Variants in MYOM2 observed in about 807,000 individuals in gnomAD.
MYOM2 encodes myomesin 2.
In MYOM2, 254 loss-of-function variants were observed where a neutral mutation model predicts 187.6. The observed-to-expected ratio is 1.35, with a 90% CI of 1.22 to 1.50. MYOM2 has a LOEUF of 1.50. MYOM2 is among the 40% of genes most tolerant of loss of function. MYOM2 has a pLI of 0.00. For missense variants in MYOM2, 2,796 were observed against 1,924.0 expected, an observed-to-expected ratio of 1.45 and a Z score of -8.48; for synonymous variants, 981 against 753.8, an observed-to-expected ratio of 1.30 and a Z score of -4.94.
Position 2,076,167 on chromosome 8 carries a change from C to T in MYOM2, c.1147C>T (p.Pro383Ser), listed in dbSNP as rs370042973. 7.4e-6 allele frequency: 12 copies of T among 1,612,714 alleles called. No homozygotes were observed. In the African/African-American group the frequency reaches 8.0e-5, roughly 11 times the overall value. ...RDADPLVTGA[P>S]GAPMDLQCHD... ...TGCTGACCCGCTGGTCACAGGGGCC[C>T]CCGGTGCACCCATGGACTTGCAGTG... Residue 383 changes from proline (P) to serine (S), a missense_variant, in exon 11 of 37, where the codon CCC becomes TCC. Physicochemically the swap from Pro to Ser is moderately conservative, Grantham distance 74. Transcript: ENST00000262113.
chr8:2,091,231 A>G (rs1231360019), intron 15 of MYOM2, among the ~76,000 whole-genome samples: 1 of 151,796 alleles, frequency 6.6e-6, no homozygotes. Context: ...TTTTGTAGAG[A>G]TAGAGTTTCA....
At chr8:2,052,342 T>C (rs1371143695) in intron 3 of MYOM2, 29 bp downstream of exon 3, 1 of 1,574,134 alleles carries the variant, frequency 6.4e-7, no homozygotes. Context: ...TGACTCCACT[T>C]GTGCCCTGCG....
chr8:2,068,938 A>T (rs1819118915), intron 6 of MYOM2, among the ~76,000 whole-genome samples: 1 of 152,204 alleles, frequency 6.6e-6, no homozygotes, highest in African/African-American at 2.4e-5. Context: ...GACAAGATGA[A>T]ACCGCGCATT....
chr8:2,080,690 C>T (rs955771809), intron 13 of MYOM2, among the ~76,000 whole-genome samples: 1 of 152,220 alleles, frequency 6.6e-6, no homozygotes, highest in Non-Finnish European at 1.5e-5. Context: ...GCATGATAAA[C>T]CCTCCCCATT....
chr8:2,101,129 T>C, intron 20 of MYOM2, 75 bp downstream of exon 20: 8 of 1,499,570 alleles, frequency 5.3e-6, no homozygotes, highest in Non-Finnish European at 7.3e-6. Context: ...GCCAATCACT[T>C]GAGGTCAGGA....
intron 19 of MYOM2, among the ~76,000 whole-genome samples, chr8:2,099,833 A>T (rs1264222520): frequency 7.9e-5 from 12 of 152,242 alleles, no homozygotes; most frequent in Non-Finnish European, 1.6e-4. Flanking sequence ...GAGAAAGTAA[A>T]TCCTGAAAGT....
chr8:2,123,540 G>A lies in MYOM2; in HGVS notation c.3568-15G>A. The A allele has an allele frequency of 6.2e-7, 1 of 1,607,776 alleles. No homozygotes were observed. Among genetic ancestry groups the A allele is most frequent in the Non-Finnish European group, 8.5e-7 (1 of 1,174,318 alleles). ...TATTGACTTTACATAAATATGGAAT[G>A]TGTTTTCTTTGTAGTTGTCAAAGAA... is the stretch of plus-strand genomic sequence containing the variant. On this transcript the variant is annotated splice_polypyrimidine_tract_variant and intron_variant, in intron 29 of 36. Coordinates refer to ENST00000262113, the MANE Select transcript of MYOM2 (RefSeq NM_003970.4).
intron 17 of MYOM2, 28 bp from the exon 18 acceptor site, chr8:2,096,219 G>A: frequency 1.3e-6 from 2 of 1,598,734 alleles, no homozygotes; most frequent in Non-Finnish European, 1.7e-6. Context: ...GAGGCCCTCG[G>A]TAACTCCCTG....
At chr8:2,120,680 T>TATATATATATATATATATATATATA in intron 28 of MYOM2, among the ~76,000 whole-genome samples, 2 of 48,290 alleles carry the variant, frequency 4.1e-5, no homozygotes, top group African/African-American at 1.3e-4. Context: ...ATATATTATA[T>TATATATATATATATATATATATATA]TATATATAAA....
rs369837001 is a variant in MYOM2, at chr8:2,050,735, G to T, written c.-12-20G>T. ...GATGCTTGCGAGGGAGCTCAGTGTT[G>T]TGTGTGACTCTCTTTGTAGGAGCAC... On this transcript the variant is annotated intron_variant, in intron 1 of 36. Coordinates refer to ENST00000262113, the MANE Select transcript of MYOM2 (RefSeq NM_003970.4). 223 of 1,461,180 alleles carry T rather than the reference G, an allele frequency of 1.5e-4. 3 individuals carry two copies. In the South Asian group the frequency reaches 1.9e-3, roughly 13 times the overall value. The allele number at this position is 1,461,180 out of a possible 1,614,324, so 90.5% of individuals were successfully genotyped here.
At chr8:2,057,862 C>T (rs1818723515) in intron 5 of MYOM2, 82 bp downstream of exon 5, 4 of 1,483,572 alleles carry the variant, frequency 2.7e-6, no homozygotes, top group Non-Finnish European at 3.7e-6. Context: ...AGACAAACGC[C>T]ATTGAACCTG....
intron 12 of MYOM2, 105 bp from the exon 13 acceptor site, chr8:2,079,455 T>C: frequency 1.9e-6 from 2 of 1,067,390 alleles, no homozygotes; most frequent in Non-Finnish European, 2.9e-6. Context: ...TCACAGGTTG[T>C]AGTCCTAATG....
intron 28 of MYOM2, among the ~76,000 whole-genome samples, chr8:2,121,588 T>C (rs1244120415): frequency 2.6e-5 from 4 of 152,240 alleles, no homozygotes; most frequent in African/African-American, 9.6e-5. Flanking sequence ...CCATTTTGTC[T>C]ACAGGGTTTT....
At position 2,117,941 on chromosome 8, in the gene MYOM2, C is replaced by T. The variant is rs1253678043; in HGVS notation, c.3442C>T (p.Leu1148Phe). ...TGTCACGGAAGAATGTGAAGTTCGA[C>T]TTGTTTGCAAGGTGAGAAACCCGGT... The part of the protein sequence containing the change: ...WDVTEECEVR[L>F]VCKVANTKKE... The change falls in exon 28 of 37, where the codon CTT becomes TTT. Residue 1148 changes from leucine to phenylalanine, a missense_variant. Leu to Phe is a conservative substitution (Grantham distance 22). Coordinates refer to ENST00000262113, the MANE Select transcript of MYOM2 (RefSeq NM_003970.4). The T allele has an allele frequency of 3.1e-6, 5 of 1,612,862 alleles. No homozygotes were observed. The highest frequency in any genetic ancestry group is 2.2e-5 in the East Asian group (1 of 44,862).
chr8:2,113,179 C>G (rs1797124570), intron 25 of MYOM2, among the ~76,000 whole-genome samples: 1 of 152,226 alleles, frequency 6.6e-6, no homozygotes, highest in African/African-American at 2.4e-5. Context: ...GGTGGCATGG[C>G]TGGGGCGAGT....
At chr8:2,086,251 CG>C in intron 14 of MYOM2, among the ~76,000 whole-genome samples, 1 of 81,338 alleles carries the variant, frequency 1.2e-5, no homozygotes, top group Non-Finnish European at 3.0e-5. Context: ...GTGATCTTTG[CG>C]TGGCCCCACT....
rs1490899458 is a variant in MYOM2 at position 2,096,358 on chromosome 8, A to T, written c.2237A>T (p.Tyr746Phe). 1.2e-6 allele frequency: 2 copies of T among 1,614,026 alleles called. No individual in the cohort carries two copies. Among genetic ancestry groups the T allele is most frequent in the Non-Finnish European group, 1.7e-6 (2 of 1,180,034 alleles). Residue 746 changes from tyrosine (Y) to phenylalanine (F), a missense_variant, in exon 18 of 37, where the codon TAC (tyrosine) becomes TTC (phenylalanine). Transcript: ENST00000262113. Reference sequence around the variant, plus strand: ...GGTGGCTCGCCCATCCTGGGCTACTACCTGGACAAGCGTGAAGTTCACCAT... The same window carrying T: ...GGTGGCTCGCCCATCCTGGGCTACTTCCTGGACAAGCGTGAAGTTCACCAT... ...FSGGSPILGY[Y>F]LDKREVHHKN... is the part of the protein sequence containing the mutation.
At chr8:2,072,755 G>A (rs1039803061) in intron 9 of MYOM2, among the ~76,000 whole-genome samples, 3 of 152,216 alleles carry the variant, frequency 2.0e-5, no homozygotes, top group Non-Finnish European at 4.4e-5. Flanking sequence ...CTCGTACAGT[G>A]ACAGAAAGAA....
chr8:2,138,431 T>C (rs1024178464), intron 32 of MYOM2, among the ~76,000 whole-genome samples: 1 of 152,294 alleles, frequency 6.6e-6, no homozygotes, highest in Non-Finnish European at 1.5e-5. Flanking sequence ...ACGTATAGAA[T>C]TCCAGATGCG....
Sources: gnomAD v4.1 joint callset for allele counts (sites outside exome capture counted in the v4.1 genomes callset) on GRCh38, gnomAD v4.1.1 for gene constraint, MANE v1.5 for transcripts, NCBI Gene and HGNC (gene_info 2026-07-23, HGNC 2026-07-21) for gene names.